TMEM217B: variants seen among roughly 807,000 people sequenced by gnomAD.
The protein encoded by TMEM217B is putative transmembrane protein 217B.
the TMEM217B span, among the ~76,000 whole-genome samples, chr6:37,235,928 T>A: frequency 6.6e-6 from 1 of 152,172 alleles, no homozygotes; most frequent in East Asian, 1.9e-4. Flanking sequence ...GGGATTAAGT[T>A]TCAACACATG....
chr6:37,226,325 C>T, the TMEM217B span, among the ~76,000 whole-genome samples: 2 of 119,210 alleles, frequency 1.7e-5, no homozygotes, highest in Admixed American at 1.1e-4. Flanking sequence ...CAGAGTCTCG[C>T]TCTTTCGCCC....
At chr6:37,249,402 C>T in the TMEM217B span, among the ~76,000 whole-genome samples, 2 of 152,144 alleles carry the variant, frequency 1.3e-5, no homozygotes, top group Non-Finnish European at 2.9e-5. Flanking sequence ...TCACTGCAAC[C>T]TCCACTTTCC....
At chr6:37,212,538 T>G in the TMEM217B span, 1 of 458,802 alleles carries the variant, frequency 2.2e-6, no homozygotes, top group Non-Finnish European at 4.4e-6. Context: ...AAAGGTTGTA[T>G]GCATGCTTGA....
the TMEM217B span, among the ~76,000 whole-genome samples, chr6:37,226,597 G>A: frequency 1.3e-5 from 2 of 149,760 alleles, no homozygotes; most frequent in Admixed American, 6.6e-5. Flanking sequence ...GCGCCCGGCC[G>A]AGACAGAGTC....
the TMEM217B span, among the ~76,000 whole-genome samples, chr6:37,251,713 A>T: frequency 6.6e-6 from 1 of 152,202 alleles, no homozygotes; most frequent in Non-Finnish European, 1.5e-5. Context: ...GGAGAGACGG[A>T]GGGGAATGAG....
At chr6:37,234,583 A>T in the TMEM217B span, among the ~76,000 whole-genome samples, 15 of 151,980 alleles carry the variant, frequency 9.9e-5, no homozygotes, top group Non-Finnish European at 2.1e-4. Flanking sequence ...TAAGAAGTCC[A>T]CATCTGGCCA....
the TMEM217B span, among the ~76,000 whole-genome samples, chr6:37,237,957 T>C: frequency 3.9e-5 from 6 of 152,138 alleles, no homozygotes; most frequent in Non-Finnish European, 2.9e-5. Context: ...TAAAATGTGT[T>C]GGGGGTACCA....
At chr6:37,239,270 C>T in the TMEM217B span, among the ~76,000 whole-genome samples, 1 of 152,318 alleles carries the variant, frequency 6.6e-6, no homozygotes, top group East Asian at 1.9e-4. Flanking sequence ...GGGCATATCA[C>T]TTGAGCCCAG....
the TMEM217B span, among the ~76,000 whole-genome samples, chr6:37,230,514 T>A: frequency 6.6e-6 from 1 of 152,142 alleles, no homozygotes; most frequent in African/African-American, 2.4e-5. Context: ...GTGTCAGACC[T>A]AATCTGACAT....
chr6:37,227,788 T>G, the TMEM217B span, among the ~76,000 whole-genome samples: 2 of 151,790 alleles, frequency 1.3e-5, no homozygotes, highest in Non-Finnish European at 2.9e-5. Context: ...CATTATTACA[T>G]CATCTCATCT....
At chr6:37,231,272 G>A in the TMEM217B span, among the ~76,000 whole-genome samples, 4 of 126,310 alleles carry the variant, frequency 3.2e-5, no homozygotes, top group Admixed American at 1.0e-4. Context: ...CTTTCACCAC[G>A]TTGGCCAGGC....
At chr6:37,252,093 A>G in the TMEM217B span, among the ~76,000 whole-genome samples, 1 of 152,150 alleles carries the variant, frequency 6.6e-6, no homozygotes, top group Non-Finnish European at 1.5e-5. Context: ...GGGTTTCTCC[A>G]TGTTGGTCAG....
chr6:37,216,322 G>A, the TMEM217B span, among the ~76,000 whole-genome samples: 1 of 152,062 alleles, frequency 6.6e-6, no homozygotes, highest in African/African-American at 2.4e-5. Flanking sequence ...CAAGTGATCC[G>A]CCCGCTTTGG....
At chr6:37,242,008 AT>A in the TMEM217B span, among the ~76,000 whole-genome samples, 8,486 of 129,980 alleles carry the variant, frequency 0.065, 559 homozygotes, top group African/African-American at 0.21. Flanking sequence ...TTCGATCTCA[AT>A]TTTTTTTTTT....
At chr6:37,240,757 TA>T in the TMEM217B span, among the ~76,000 whole-genome samples, 1,740 of 152,202 alleles carry the variant, frequency 0.011, 38 homozygotes, top group African/African-American at 0.039. Flanking sequence ...AAAATAAATT[TA>T]AAAAAAGACA....
At chr6:37,247,389 C>CTT in the TMEM217B span, among the ~76,000 whole-genome samples, 1 of 127,792 alleles carries the variant, frequency 7.8e-6, no homozygotes, top group Non-Finnish European at 1.6e-5. Context: ...AACTTTTTTA[C>CTT]TTTTTTTTTT....
the TMEM217B span, chr6:37,218,324 A>G: frequency 1.7e-6 from 2 of 1,174,646 alleles, no homozygotes; most frequent in Non-Finnish European, 2.3e-6. Context: ...GTGTGCCGCC[A>G]CGCCTGGCTA....
the TMEM217B span, among the ~76,000 whole-genome samples, chr6:37,222,743 A>C: frequency 2.6e-5 from 4 of 152,212 alleles, no homozygotes; most frequent in Non-Finnish European, 4.4e-5. Context: ...TGCTCCGTAG[A>C]GCCGGAGGTG....
the TMEM217B span, among the ~76,000 whole-genome samples, chr6:37,231,733 T>C: frequency 6.8e-6 from 1 of 147,484 alleles, no homozygotes; most frequent in East Asian, 2.0e-4. Flanking sequence ...ATCTTTTATA[T>C]ATATATTATA....
Sources: gnomAD v4.1 joint callset for allele counts (sites outside exome capture counted in the v4.1 genomes callset) on GRCh38, gnomAD v4.1.1 for gene constraint, MANE v1.5 for transcripts, NCBI Gene and HGNC (gene_info 2026-07-23, HGNC 2026-07-21) for gene names.